The following DOCK4 variants were observed in gnomAD, a reference collection of about 807,000 sequenced individuals.
DOCK4 encodes dedicator of cytokinesis protein 4.
A neutral mutation model predicts 268.1 loss-of-function variants in DOCK4; 97 were observed. The observed-to-expected ratio is 0.36, with a 90% confidence interval of 0.31 to 0.43. The LOEUF is 0.43. Among genes scored for constraint, DOCK4 ranks in the 20% least tolerant of loss-of-function variants. DOCK4 has a pLI of 1.00. For synonymous variants in DOCK4, 954 were observed against 887.2 expected (o/e 1.08, Z -1.34); for missense variants, 2,145 against 2,455.7 (o/e 0.87, Z 2.67).
chr7:112,146,255 T>A lies in DOCK4; in HGVS notation c.37+59847A>T, dbSNP rs572009843. ...GGTTGGCATGGGAGGAGTTTCAAAG[T>A]CTCCAAGCAAAAGCTACAGAAGTCC... is the stretch of plus-strand genomic sequence containing the variant. On this transcript the variant is annotated intron_variant, in intron 1 of 52. Transcript: ENST00000428084. 7.1e-4 allele frequency among the ~76,000 whole-genome samples: 108 copies of A among 152,192 alleles called. No individual in the cohort carries two copies. The Middle Eastern group carries it at 0.02, about 29-fold the overall frequency.
intron 36 of DOCK4, among the ~76,000 whole-genome samples, chr7:111,772,961 G>A (rs1291750418): frequency 6.6e-6 from 1 of 152,154 alleles, no homozygotes; most frequent in African/African-American, 2.4e-5. Flanking sequence ...GCACTGGCAG[G>A]CAATCAGATG....
chr7:112,127,078 A>C (rs1180761691), intron 1 of DOCK4, among the ~76,000 whole-genome samples: 1 of 151,638 alleles, frequency 6.6e-6, no homozygotes, highest in African/African-American at 2.4e-5. Flanking sequence ...CCAAAGGACT[A>C]TAAATCATGC....
At position 111,728,711 on chromosome 7, in the gene DOCK4, G is replaced by T. The variant is rs10281942; in HGVS notation, c.5491C>A (p.Gln1831Lys). ...TCCACTGGAGAGGGGGTGAAAGACT[G>T]CACAGAGCCCTGCTCCGGGGAGAAG... ...AGRSPLKGSV[Q>K]SFTPSPVEYH... is the part of the protein sequence containing the mutation. Residue 1831 changes from glutamine to lysine, a missense_variant, in exon 53 of 53, where the codon CAG becomes AAG. Gln to Lys is a moderately conservative substitution (Grantham distance 53). Coordinates refer to ENST00000428084, the MANE Select transcript of DOCK4 (RefSeq NM_001363540.2). 3,342 of 1,610,446 alleles carry T rather than the reference G, an allele frequency of 2.1e-3. 54 individuals carry two copies. The African/African-American group carries it at 0.039, about 19-fold the overall frequency.
At chr7:112,179,236 AT>A (rs1243393155) in intron 1 of DOCK4, among the ~76,000 whole-genome samples, 1 of 151,880 alleles carries the variant, frequency 6.6e-6, no homozygotes, top group East Asian at 1.9e-4. Context: ...AAAAATAAAA[AT>A]TTTCCCGGTG....
chr7:111,897,682 C>G (rs530015345), intron 15 of DOCK4, among the ~76,000 whole-genome samples: 43 of 152,292 alleles, frequency 2.8e-4, no homozygotes, highest in African/African-American at 6.5e-4. Context: ...TCCCCACCCC[C>G]CAGTGCTGGC....
intron 1 of DOCK4, among the ~76,000 whole-genome samples, chr7:112,203,615 T>C (rs1459907078): frequency 6.6e-6 from 1 of 152,130 alleles, no homozygotes; most frequent in Non-Finnish European, 1.5e-5. Flanking sequence ...TTTCAAAGAA[T>C]GAAGAAACTA....
At chr7:112,020,206 C>T (rs531019218) in intron 1 of DOCK4, among the ~76,000 whole-genome samples, 9 of 152,266 alleles carry the variant, frequency 5.9e-5, no homozygotes, top group African/African-American at 2.2e-4. Flanking sequence ...CCTTTCTTTG[C>T]CACAAGACTG....
In DOCK4 at chr7:111,933,426, C is replaced by G. The variant is rs185763838; in HGVS notation, c.1066+2114G>C. On this transcript the variant is annotated intron_variant, in intron 12 of 52. Coordinates refer to ENST00000428084, the MANE Select transcript of DOCK4 (RefSeq NM_001363540.2). ...TCTCCTGCCTCAGACTCCGGAGTAG[C>G]TGGGATTACAGGCACGCGCCACCAG... Among the ~76,000 whole-genome samples, 15 of 150,914 alleles carry G rather than the reference C, an allele frequency of 9.9e-5. No homozygotes were observed. The East Asian group carries it at 3.0e-3, about 30-fold the overall frequency.
intron 12 of DOCK4, among the ~76,000 whole-genome samples, chr7:111,928,121 A>T (rs1793884356): frequency 6.6e-6 from 1 of 152,230 alleles, no homozygotes; most frequent in Non-Finnish European, 1.5e-5. Flanking sequence ...CTCATGTCAC[A>T]AAGAACTTAA....
chr7:111,803,429 T>C (rs1800446911), intron 30 of DOCK4, among the ~76,000 whole-genome samples: 1 of 152,328 alleles, frequency 6.6e-6, no homozygotes, highest in East Asian at 1.9e-4. Flanking sequence ...CACATGGTCT[T>C]ATTTTGAAGT....
intron 30 of DOCK4, among the ~76,000 whole-genome samples, chr7:111,805,009 G>A (rs1446516444): frequency 6.6e-6 from 1 of 152,214 alleles, no homozygotes; most frequent in Non-Finnish European, 1.5e-5. Context: ...ACTGGAGACA[G>A]GTAGCATGAC....
At chr7:111,731,279 T>G (rs1315463066) in intron 52 of DOCK4, among the ~76,000 whole-genome samples, 2 of 152,210 alleles carry the variant, frequency 1.3e-5, no homozygotes, top group African/African-American at 4.8e-5. Context: ...TTTTCCCGTT[T>G]CTCAATTTCT....
At chr7:112,034,348 T>C (rs1046486667) in intron 1 of DOCK4, among the ~76,000 whole-genome samples, 5 of 152,240 alleles carry the variant, frequency 3.3e-5, no homozygotes, top group Non-Finnish European at 5.9e-5. Context: ...AGCATGGCTC[T>C]GAATCTGGCC....
rs1446057584 is a variant in DOCK4, at chr7:111,915,371, ACGTTT to A, written c.1192+403_1192+407del. On this transcript the variant is annotated intron_variant, in intron 13 of 52. Transcript: ENST00000428084. ...TACATATGGCTAACTAGTGTTCAGT[ACGTTT>A]TTATCAAAACTTAGGATATCCTCTA... 5.9e-5 allele frequency among the ~76,000 whole-genome samples: 9 copies of A among 152,344 alleles called. No individual in the cohort carries two copies. The East Asian group carries it at 1.7e-3, about 29-fold the overall frequency.
At chr7:111,815,862 G>A (rs1801509106) in intron 27 of DOCK4, among the ~76,000 whole-genome samples, 1 of 151,986 alleles carries the variant, frequency 6.6e-6, no homozygotes, top group Admixed American at 6.6e-5. Context: ...GTTAAAATGG[G>A]GTTTTGCCAT....
rs1199243829 is a variant in DOCK4 at position 112,004,104 on chromosome 7, G to A, written c.65C>T (p.Pro22Leu). 6.3e-7 allele frequency: 1 copy of A among 1,599,378 alleles called. No homozygotes were observed. The highest frequency in any genetic ancestry group is 1.3e-5 in the African/African-American group (1 of 74,792). The change falls in exon 2 of 53, where the codon CCA (proline) becomes CTA (leucine). Residue 22 changes from proline to leucine, a missense_variant. Physicochemically the swap from Pro to Leu is moderately conservative, Grantham distance 98. Coordinates refer to ENST00000428084, the MANE Select transcript of DOCK4 (RefSeq NM_001363540.2). The stretch of plus-strand genomic sequence containing the variant: ...TCCAATTTCCAATGACAGGCCATAT[G>A]GAACGGTTCCTCGGAAACTGGCAAT... ...VVIASFRGTV[P>L]YGLSLEIGDT...
At chr7:111,840,625 C>T in intron 25 of DOCK4, 1 of 182,080 alleles carries the variant, frequency 5.5e-6, no homozygotes, top group South Asian at 1.2e-4. Flanking sequence ...AAAAATAAGG[C>T]CTCTGTTATC....
At chr7:111,926,051 TGC>T (rs1793601605) in intron 12 of DOCK4, among the ~76,000 whole-genome samples, 1 of 121,394 alleles carries the variant, frequency 8.2e-6, no homozygotes, top group Non-Finnish European at 1.7e-5. Context: ...GCCGAGATCG[TGC>T]CACTGCACTC....
chr7:111,905,800 T>A (rs28495792), intron 13 of DOCK4, among the ~76,000 whole-genome samples: 1 of 152,076 alleles, frequency 6.6e-6, no homozygotes, highest in African/African-American at 2.4e-5. Context: ...TTAGTTTTTT[T>A]AAAAAAGAAA....
Sources: gnomAD v4.1 joint callset for allele counts (sites outside exome capture counted in the v4.1 genomes callset) on GRCh38, gnomAD v4.1.1 for gene constraint, MANE v1.5 for transcripts, NCBI Gene and HGNC (gene_info 2026-07-23, HGNC 2026-07-21) for gene names.